The following GRIN3A variants were observed in gnomAD, a reference collection of about 807,000 sequenced individuals.
The protein encoded by GRIN3A is glutamate ionotropic receptor NMDA type subunit 3A.
Under a neutral mutation model 92.4 loss-of-function variants are expected in GRIN3A, and 47 were observed. That is an observed-to-expected ratio of 0.51 (90% CI 0.40 to 0.65). GRIN3A has a LOEUF of 0.65. Among genes scored for constraint, GRIN3A ranks in the 30% least tolerant of loss-of-function variants. The pLI is 0.00. For synonymous variants in GRIN3A, 527 were observed against 540.6 expected, an observed-to-expected ratio of 0.97 and a Z score of 0.35; for missense variants, 1,324 against 1,393.1, an observed-to-expected ratio of 0.95 and a Z score of 0.79.
rs1338963035 is a variant in GRIN3A, at chr9:101,573,128, G to C, written c.*46C>G. 1 of 1,476,206 alleles carries C rather than the reference G, an allele frequency of 6.8e-7. No homozygotes were observed. Among genetic ancestry groups the C allele is most frequent in the Admixed American group, 1.7e-5 (1 of 59,824 alleles). 91.4% of individuals were successfully genotyped at this position (1,476,206 alleles called of 1,614,324 possible). On this transcript the variant is annotated 3_prime_UTR_variant, in exon 9 of 9. Transcript: ENST00000361820. ...AAGAGCATTACAAAGTGTCTCAAGG[G>C]CTCAGAGGAAGGTCAGGAACTGAGA... is the stretch of plus-strand genomic sequence containing the variant.
intron 1 of GRIN3A, among the ~76,000 whole-genome samples, chr9:101,713,074 C>T (rs1483239358): frequency 2.0e-5 from 3 of 152,154 alleles, no homozygotes; most frequent in Non-Finnish European, 4.4e-5. Context: ...CCTTTAAAGA[C>T]TTCCATCCCT....
At chr9:101,692,172 A>C (rs189973289) in intron 1 of GRIN3A, among the ~76,000 whole-genome samples, 165 of 152,304 alleles carry the variant, frequency 1.1e-3, no homozygotes, top group African/African-American at 3.5e-3. Flanking sequence ...TTTTACAAAC[A>C]TAAATTACAC....
intron 6 of GRIN3A, among the ~76,000 whole-genome samples, chr9:101,605,546 C>CGT (rs1564124334): frequency 6.6e-6 from 1 of 152,128 alleles, no homozygotes; most frequent in Non-Finnish European, 1.5e-5. Context: ...TCACTCCATC[C>CGT]GTGCCCTATG....
At chr9:101,642,296 C>T (rs1415854303) in intron 3 of GRIN3A, among the ~76,000 whole-genome samples, 1 of 152,052 alleles carries the variant, frequency 6.6e-6, no homozygotes, top group Non-Finnish European at 1.5e-5. Flanking sequence ...AATATTTGCC[C>T]TTTACCTGGC....
At chr9:101,595,063 C>A in intron 6 of GRIN3A, 2 of 822,036 alleles carry the variant, frequency 2.4e-6, no homozygotes, top group Non-Finnish European at 3.6e-6. Flanking sequence ...AGCAAAAGGG[C>A]AGGGGAGCGG....
chr9:101,692,419 T>A (rs995940550), intron 1 of GRIN3A, among the ~76,000 whole-genome samples: 1 of 152,152 alleles, frequency 6.6e-6, no homozygotes, highest in Non-Finnish European at 1.5e-5. Flanking sequence ...TGTGGATTAG[T>A]AAGAGTTTCA....
At chr9:101,696,765 C>T (rs924407364) in intron 1 of GRIN3A, among the ~76,000 whole-genome samples, 3 of 152,112 alleles carry the variant, frequency 2.0e-5, no homozygotes, top group African/African-American at 7.2e-5. Context: ...CAGCCTGAAA[C>T]TATTATTAAG....
chr9:101,720,388 T>A (rs1829997306), intron 1 of GRIN3A, among the ~76,000 whole-genome samples: 1 of 152,238 alleles, frequency 6.6e-6, no homozygotes, highest in Non-Finnish European at 1.5e-5. Flanking sequence ...TGACTATTTA[T>A]AAACTGAGGC....
intron 3 of GRIN3A, among the ~76,000 whole-genome samples, chr9:101,648,535 T>C (rs928162239): frequency 8.5e-5 from 13 of 152,064 alleles, no homozygotes; most frequent in African/African-American, 2.9e-4. Flanking sequence ...TTGTATGATC[T>C]GTTCATTGGT....
At chr9:101,702,033 G>C (rs1489899074) in intron 1 of GRIN3A, among the ~76,000 whole-genome samples, 3 of 152,082 alleles carry the variant, frequency 2.0e-5, no homozygotes, top group African/African-American at 7.2e-5. Flanking sequence ...TGGGCGTGGT[G>C]GCTAACGCCT....
chr9:101,706,794 T>G (rs1402064525), intron 1 of GRIN3A, among the ~76,000 whole-genome samples: 1 of 152,162 alleles, frequency 6.6e-6, no homozygotes, highest in African/African-American at 2.4e-5. Context: ...ATTTCTTTCT[T>G]CACCCCAGCC....
intron 3 of GRIN3A, among the ~76,000 whole-genome samples, chr9:101,631,631 T>C (rs972588151): frequency 6.6e-6 from 1 of 152,174 alleles, no homozygotes; most frequent in Non-Finnish European, 1.5e-5. Flanking sequence ...TGTCTCTTTG[T>C]GTTTTTCCTT....
intron 1 of GRIN3A, among the ~76,000 whole-genome samples, chr9:101,734,809 G>GTGAAATTTTATTTAC (rs1278948941): frequency 6.6e-6 from 1 of 151,910 alleles, no homozygotes; most frequent in African/African-American, 2.4e-5. Context: ...ATTTTACTTG[G>GTGAAATTTTATTTAC]TTGTGTGAAA....
At chr9:101,635,517 A>G (rs117184041) in intron 3 of GRIN3A, among the ~76,000 whole-genome samples, 2,878 of 152,266 alleles carry the variant, frequency 0.019, 65 homozygotes, top group Admixed American at 0.05. Flanking sequence ...CCATATTTCA[A>G]ATTTTTCTCT....
At chr9:101,717,306 C>A (rs576494523) in intron 1 of GRIN3A, among the ~76,000 whole-genome samples, 16 of 151,668 alleles carry the variant, frequency 1.1e-4, no homozygotes, top group African/African-American at 3.6e-4. Context: ...TAATGTGGTC[C>A]AAAAAACAAA....
At chr9:101,689,743 TACACACACACAC>T (rs33984810) in intron 1 of GRIN3A, among the ~76,000 whole-genome samples, 4 of 143,720 alleles carry the variant, frequency 2.8e-5, no homozygotes, top group African/African-American at 1.0e-4. Flanking sequence ...CACACACACA[TACACACACACAC>T]ACACACACAC....
In GRIN3A at chr9:101,723,218, G is replaced by A. The variant is rs1016247615; in HGVS notation, c.699+14063C>T. Among the ~76,000 whole-genome samples the A allele has an allele frequency of 1.2e-4, 18 of 152,262 alleles. No homozygotes were observed. In the East Asian group the frequency reaches 2.9e-3, roughly 25 times the overall value. On this transcript the variant is annotated intron_variant, in intron 1 of 8. Transcript: ENST00000361820. ...AGTGTTACAGCTCTTAAGGTGGCGCGTCTGGAGTTTGTTCCTTCTGATGTT... is the reference window on the plus strand; with the variant it reads ...AGTGTTACAGCTCTTAAGGTGGCGCATCTGGAGTTTGTTCCTTCTGATGTT...
At chr9:101,633,548 G>C (rs1588258917) in intron 3 of GRIN3A, among the ~76,000 whole-genome samples, 1 of 152,322 alleles carries the variant, frequency 6.6e-6, no homozygotes, top group Non-Finnish European at 1.5e-5. Context: ...GGTGGAACCA[G>C]GTGACACAGC....
Position 101,738,602 on chromosome 9 carries a change from A to G in GRIN3A, c.-623T>C, listed in dbSNP as rs1269981103. On this transcript the variant is annotated 5_prime_UTR_variant, in exon 1 of 9. Transcript: ENST00000361820. ...TCTGCCTTTCTTTCGTTATTTTTCC[A>G]CCGAGTCGCCACCGCCGCTTGCTTC... 1.3e-5 allele frequency: 2 copies of G among 152,324 alleles called. No individual in the cohort carries two copies. The highest frequency in any genetic ancestry group is 2.9e-5 in the Non-Finnish European group (2 of 68,584). The allele number at this position is 152,324 out of a possible 1,614,324, so 9.4% of individuals were successfully genotyped here. A position where few individuals can be genotyped will look rare whatever the true frequency, so the allele number is the denominator to read the frequency against.
Sources: allele counts gnomAD v4.1 joint callset (sites outside exome capture counted in the v4.1 genomes callset), GRCh38; gene constraint gnomAD v4.1.1; transcripts MANE v1.5; gene names NCBI Gene and HGNC (gene_info 2026-07-23, HGNC 2026-07-21).